Variants in PCDHA4 observed in about 807,000 individuals in gnomAD.
PCDHA4 encodes protocadherin alpha-4.
PCDHA4 carries 49 observed loss-of-function variants against 61.4 expected under a neutral mutation model. The ratio of observed to expected loss-of-function variants is 0.80; its 90% CI spans 0.63 to 1.01. The LOEUF is 1.01. Ranked by LOEUF, PCDHA4 falls within the 50% of genes least tolerant of loss-of-function variation. PCDHA4 has a pLI of 0.00. For missense variants in PCDHA4, 1,254 were observed against 1,235.8 expected, an observed-to-expected ratio of 1.01 and a Z score of -0.22; for synonymous variants, 590 against 550.3, an observed-to-expected ratio of 1.07 and a Z score of -1.01.
At chr5:140,880,241 C>A (rs529552139) in intron 1 of PCDHA4, among the ~76,000 whole-genome samples, 1 of 150,190 alleles carries the variant, frequency 6.7e-6, no homozygotes, top group African/African-American at 2.5e-5. Flanking sequence ...AGTGTATGTG[C>A]GTGTGTGTAT....
intron 1 of PCDHA4, chr5:140,847,674 G>A (rs2150402803): frequency 6.7e-6 from 1 of 149,800 alleles, no homozygotes; most frequent in African/African-American, 2.4e-5. Flanking sequence ...AGCTTGGAAA[G>A]AATCAAAACA....
intron 1 of PCDHA4, chr5:140,864,727 A>T (rs1456631288): frequency 1.3e-5 from 2 of 152,180 alleles, no homozygotes; most frequent in African/African-American, 4.8e-5. Context: ...TTTTGGGAAG[A>T]TTTCTTTGAG....
intron 1 of PCDHA4, among the ~76,000 whole-genome samples, chr5:140,839,701 G>A (rs1342678083): frequency 6.6e-6 from 1 of 152,034 alleles, no homozygotes; most frequent in Non-Finnish European, 1.5e-5. Context: ...GGTAAATAAT[G>A]TGATGACAAA....
chr5:140,841,285 T>G (rs2150312602), intron 1 of PCDHA4: 2 of 1,550,288 alleles, frequency 1.3e-6, no homozygotes, highest in East Asian at 2.3e-5. Context: ...ATCTTTATAT[T>G]AAGATAATAT....
chr5:140,969,704 T>A (rs1317094729), intron 1 of PCDHA4, among the ~76,000 whole-genome samples: 2 of 152,172 alleles, frequency 1.3e-5, no homozygotes, highest in African/African-American at 4.8e-5. Context: ...TGCTGTATCA[T>A]CTACAGGGAA....
chr5:140,887,540 C>T (rs1039020160), intron 1 of PCDHA4, among the ~76,000 whole-genome samples: 1 of 152,100 alleles, frequency 6.6e-6, no homozygotes. Flanking sequence ...CTCTCCCCAC[C>T]CCTCATGGTT....
chr5:140,882,336 C>T, intron 1 of PCDHA4: 1 of 1,614,162 alleles, frequency 6.2e-7, no homozygotes, highest in Non-Finnish European at 8.5e-7. Flanking sequence ...ATCCTCGCAG[C>T]CTGGGAGACG....
chr5:140,848,258 T>G, intron 1 of PCDHA4: 1 of 479,224 alleles, frequency 2.1e-6, no homozygotes, highest in Non-Finnish European at 3.7e-6. Context: ...AACTGTGAAA[T>G]TTTTATTCAT....
At chr5:140,984,976 C>A (rs905264957) in intron 3 of PCDHA4, among the ~76,000 whole-genome samples, 8 of 151,910 alleles carry the variant, frequency 5.3e-5, no homozygotes, top group African/African-American at 1.9e-4. Flanking sequence ...CTCGCTCTGT[C>A]CCCCAGGCTG....
In PCDHA4 at chr5:141,009,679, C is replaced by T; in HGVS notation, c.2586C>T (p.Asn862=). 1.2e-6 allele frequency: 2 copies of T among 1,614,116 alleles called. No individual in the cohort carries two copies. The highest frequency in any genetic ancestry group is 8.5e-7 in the Non-Finnish European group (1 of 1,180,026). The part of the protein sequence containing the change: ...SPPVGAGVNS[N]SWTFKYGPGN... ...CAGTCGGTGCGGGTGTCAACAGCAA[C>T]AGCTGGACCTTTAAATACGGACCAG... The change falls in exon 4 of 4, where the codon AAC becomes AAT. Residue 862 remains asparagine (N), a synonymous_variant. Coordinates refer to ENST00000530339, the MANE Select transcript of PCDHA4 (RefSeq NM_018907.4).
In PCDHA4 at chr5:140,829,496, C is replaced by A. The variant is rs2150168834; in HGVS notation, c.2385+19924C>A. 13 of 1,613,648 alleles carry A rather than the reference C, an allele frequency of 8.1e-6. No individual in the cohort carries two copies. The East Asian group carries it at 2.2e-4, about 28-fold the overall frequency. ...CACAGTGTTCGTGAAGGAGAACAAC[C>A]CGCCGGGCTGCCACATCTTCACGGT... On this transcript the variant is annotated intron_variant, in intron 1 of 3. Coordinates refer to ENST00000530339, the MANE Select transcript of PCDHA4 (RefSeq NM_018907.4).
intron 1 of PCDHA4, among the ~76,000 whole-genome samples, chr5:140,912,566 T>G (rs1562988008): frequency 2.0e-5 from 3 of 152,178 alleles, no homozygotes; most frequent in Admixed American, 1.3e-4. Context: ...CAGTTTTAAC[T>G]TCCTCTTTTC....
intron 3 of PCDHA4, among the ~76,000 whole-genome samples, chr5:141,004,385 G>C (rs1388217607): frequency 6.6e-6 from 1 of 152,192 alleles, no homozygotes; most frequent in Non-Finnish European, 1.5e-5. Flanking sequence ...TGCGGAAGCT[G>C]GACATGTGGA....
At position 140,870,131 on chromosome 5, in the gene PCDHA4, A is replaced by G. The variant is rs782486118; in HGVS notation, c.2385+60559A>G. The G allele has an allele frequency of 2.6e-5, 42 of 1,613,870 alleles. No individual in the cohort carries two copies. In the Admixed American group the frequency reaches 4.2e-4, roughly 16 times the overall value. On this transcript the variant is annotated intron_variant, in intron 1 of 3. Coordinates refer to ENST00000530339, the MANE Select transcript of PCDHA4 (RefSeq NM_018907.4). Reference sequence around the variant, plus strand: ...GTCTGGGTGGAAATCTTGGACACCAACGATAACTCTCCTGAAGTCGCCGTG... The same window carrying G: ...GTCTGGGTGGAAATCTTGGACACCAGCGATAACTCTCCTGAAGTCGCCGTG...
intron 3 of PCDHA4, among the ~76,000 whole-genome samples, chr5:141,002,832 C>T (rs147080489): frequency 1.2e-4 from 18 of 152,242 alleles, no homozygotes; most frequent in Admixed American, 2.6e-4. Context: ...GTAAATGGCC[C>T]AGGACTATGC....
At chr5:140,870,383 G>A (rs2051950706) in intron 1 of PCDHA4, 20 of 1,614,242 alleles carry the variant, frequency 1.2e-5, no homozygotes, top group Non-Finnish European at 1.7e-5. Flanking sequence ...GTGACTGCGC[G>A]GGATGGGGGT....
At chr5:141,000,210 A>G (rs1475631796) in intron 3 of PCDHA4, among the ~76,000 whole-genome samples, 3 of 151,622 alleles carry the variant, frequency 2.0e-5, no homozygotes, top group Non-Finnish European at 2.9e-5. Context: ...CACCTTCATT[A>G]TCAAATGCCT....
intron 1 of PCDHA4, among the ~76,000 whole-genome samples, chr5:140,921,390 T>G (rs2080194479): frequency 6.6e-6 from 1 of 152,164 alleles, no homozygotes; most frequent in Non-Finnish European, 1.5e-5. Context: ...TTGATAAACA[T>G]TCACACTAGA....
chr5:140,809,169 C>T lies in PCDHA4; in HGVS notation c.1982C>T (p.Ala661Val). The part of the protein sequence containing the change: ...VKDHGEPALT[A>V]TATVLVSLVE... ...GACCACGGCGAGCCCGCGCTGACGG[C>T]CACGGCCACTGTGCTGGTGTCACTT... The change falls in exon 1 of 4, where the codon GCC becomes GTC. Residue 661 changes from alanine (A) to valine (V), a missense_variant. Physicochemically the swap from Ala to Val is moderately conservative, Grantham distance 64 (BLOSUM62 0). Coordinates refer to ENST00000530339, the MANE Select transcript of PCDHA4 (RefSeq NM_018907.4). The T allele has an allele frequency of 6.2e-7, 1 of 1,614,002 alleles. No individual in the cohort carries two copies. The highest frequency in any genetic ancestry group is 8.5e-7 in the Non-Finnish European group (1 of 1,179,948).
Sources: gnomAD v4.1 joint callset for allele counts (sites outside exome capture counted in the v4.1 genomes callset) on GRCh38, gnomAD v4.1.1 for gene constraint, MANE v1.5 for transcripts, NCBI Gene and HGNC (gene_info 2026-07-23, HGNC 2026-07-21) for gene names.